PHF20: variants seen among roughly 807,000 people sequenced by gnomAD.
PHF20 encodes glioma-expressed antigen 2.
A neutral mutation model predicts 113.5 loss-of-function variants in PHF20; 23 were observed. The ratio of observed to expected loss-of-function variants is 0.20; its 90% CI spans 0.15 to 0.29. The LOEUF (loss-of-function observed/expected upper bound fraction) is 0.29. PHF20 is among the 10% of genes least tolerant of loss of function. The pLI is 1.00. For synonymous variants in PHF20, 434 were observed against 457.3 expected (o/e 0.95, Z 0.65); for missense variants, 943 against 1,219.6 (o/e 0.77, Z 3.38).
At chr20:35,871,159 T>G in intron 8 of PHF20, 25 bp downstream of exon 8, 2 of 1,578,220 alleles carry the variant, frequency 1.3e-6, no homozygotes, top group Non-Finnish European at 1.7e-6. Flanking sequence ...TCAGGAATTG[T>G]CTTGCCAACC....
At chr20:35,895,196 A>G (rs11905294) in intron 9 of PHF20, among the ~76,000 whole-genome samples, 129 of 152,060 alleles carry the variant, frequency 8.5e-4, no homozygotes, top group African/African-American at 2.9e-3. Context: ...GCTAATTTTT[A>G]TAATTTTATT....
chr20:35,861,143 T>A (rs2146969027), intron 5 of PHF20, among the ~76,000 whole-genome samples: 1 of 152,100 alleles, frequency 6.6e-6, no homozygotes, highest in East Asian at 1.9e-4. Context: ...ACTATTGGAA[T>A]AGATTGAGTT....
At chr20:35,917,219 A>G (rs975570090) in intron 12 of PHF20, 2 of 537,174 alleles carry the variant, frequency 3.7e-6, no homozygotes, top group African/African-American at 1.9e-5. Context: ...ACTGAGTTCT[A>G]TGATCTTGAG....
At chr20:35,885,369 C>T (rs927684014) in intron 9 of PHF20, among the ~76,000 whole-genome samples, 27 of 150,484 alleles carry the variant, frequency 1.8e-4, no homozygotes, top group Non-Finnish European at 2.9e-4. Context: ...CAGATACACA[C>T]GTTGAATTCA....
chr20:35,850,589 T>G (rs1164085458), intron 4 of PHF20: 3 of 83,098 alleles, frequency 3.6e-5, no homozygotes, highest in East Asian at 5.5e-4. Flanking sequence ...TGAGCTGTTT[T>G]TTTTTTTTTT....
At chr20:35,866,165 G>A (rs1054835714) in intron 6 of PHF20, among the ~76,000 whole-genome samples, 2 of 152,114 alleles carry the variant, frequency 1.3e-5, no homozygotes, top group African/African-American at 2.4e-5. Context: ...AGCCGATATC[G>A]CACCACTGCT....
intron 9 of PHF20, among the ~76,000 whole-genome samples, chr20:35,898,506 G>T (rs1347897608): frequency 1.3e-5 from 2 of 152,124 alleles, no homozygotes; most frequent in Non-Finnish European, 2.9e-5. Context: ...CATGATCTCA[G>T]CTCACTGCAA....
At position 35,948,678 on chromosome 20, in the gene PHF20, G is replaced by T. The variant is rs536748718; in HGVS notation, c.*1051G>T. The T allele has an allele frequency of 6.5e-6, 1 of 152,674 alleles. No individual in the cohort carries two copies. The highest frequency in any genetic ancestry group is 2.1e-4 in the South Asian group (1 of 4,822). 9.5% of individuals were successfully genotyped at this position (152,674 alleles called of 1,614,324 possible). A position where few individuals can be genotyped will look rare whatever the true frequency, so the allele number is the denominator to read the frequency against. ...GGTGATCATGCTGCTTAAGGTCCAG[G>T]TACAACCTATTTGTACCTTTTGAGA... is the stretch of plus-strand genomic sequence containing the variant. On this transcript the variant is annotated 3_prime_UTR_variant, in exon 18 of 18. Transcript: ENST00000374012.
intron 10 of PHF20, among the ~76,000 whole-genome samples, chr20:35,909,589 G>A (rs943845532): frequency 2.0e-5 from 3 of 152,154 alleles, no homozygotes; most frequent in Admixed American, 1.3e-4. Flanking sequence ...CTGTCTTTGG[G>A]CCTTGGGTTT....
At chr20:35,858,929 T>C (rs142921382) in intron 5 of PHF20, among the ~76,000 whole-genome samples, 1 of 152,300 alleles carries the variant, frequency 6.6e-6, no homozygotes, top group East Asian at 1.9e-4. Flanking sequence ...TGGATACCAT[T>C]GCCTATATTC....
At chr20:35,779,456 C>T (rs1363789418) in intron 1 of PHF20, among the ~76,000 whole-genome samples, 1 of 151,814 alleles carries the variant, frequency 6.6e-6, no homozygotes. Flanking sequence ...TAGTAGAGAC[C>T]TGATTTTCAA....
rs1208858995 is a variant in PHF20, at chr20:35,950,021, C to G, written c.*2394C>G. The G allele has an allele frequency of 6.6e-6, 1 of 152,350 alleles. No homozygotes were observed. The highest frequency in any genetic ancestry group is 1.5e-5 in the Non-Finnish European group (1 of 68,092). The allele number at this position is 152,350 out of a possible 1,614,324, so 9.4% of individuals were successfully genotyped here. On this transcript the variant is annotated 3_prime_UTR_variant, in exon 18 of 18. Transcript: ENST00000374012. ...TGAGCCGAGATTGCGCTATTGCACTCCAGCTCGGGCGACAACTGCAAGACT... is the reference window on the plus strand; with the variant it reads ...TGAGCCGAGATTGCGCTATTGCACTGCAGCTCGGGCGACAACTGCAAGACT...
rs2055048406 is a variant in PHF20, at chr20:35,899,253, G to A, written c.1283-117G>A. 4 of 776,670 alleles carry A rather than the reference G, an allele frequency of 5.2e-6. No individual in the cohort carries two copies. In the Admixed American group the frequency reaches 1.1e-4, roughly 22 times the overall value. 48.1% of individuals were successfully genotyped at this position (776,670 alleles called of 1,614,324 possible). On this transcript the variant is annotated intron_variant, in intron 9 of 17. Transcript: ENST00000374012. ...TTTGAGGAGGTAATGGCAGTCTGATGTCTCAGGCTACATTTGCACGCTAGT... is the reference window on the plus strand; with the variant it reads ...TTTGAGGAGGTAATGGCAGTCTGATATCTCAGGCTACATTTGCACGCTAGT...
chr20:35,899,413 T>C lies in PHF20; in HGVS notation c.1326T>C (p.Asn442=). Residue 442 remains asparagine, a synonymous_variant, in exon 10 of 18, where the codon AAT becomes AAC. Coordinates refer to ENST00000374012, the MANE Select transcript of PHF20 (RefSeq NM_016436.5). ...FKKTDDFGSS[N]APAVDLDHKF... ...AAACAGATGATTTTGGGTCATCTAA[T>C]GCACCAGCTGTCGACCTAGACCATA... is the stretch of plus-strand genomic sequence containing the variant. The C allele has an allele frequency of 6.2e-7, 1 of 1,613,746 alleles. No homozygotes were observed. The highest frequency in any genetic ancestry group is 2.2e-5 in the East Asian group (1 of 44,876).
chr20:35,772,390 C>A (rs1017264492), intron 1 of PHF20, among the ~76,000 whole-genome samples: 12 of 151,878 alleles, frequency 7.9e-5, no homozygotes, highest in Non-Finnish European at 2.9e-5. Context: ...CGGAGCGGGC[C>A]GTGTTGGGGG....
intron 1 of PHF20, among the ~76,000 whole-genome samples, chr20:35,796,907 A>G (rs1315884762): frequency 1.3e-5 from 2 of 152,172 alleles, no homozygotes; most frequent in Non-Finnish European, 2.9e-5. Flanking sequence ...CTTGTATACC[A>G]TGGTAACATT....
intron 4 of PHF20, among the ~76,000 whole-genome samples, chr20:35,854,979 TG>T (rs1009423115): frequency 3.9e-5 from 6 of 152,238 alleles, no homozygotes; most frequent in African/African-American, 1.4e-4. Context: ...TATTGACTTT[TG>T]GATGTTGGAA....
intron 2 of PHF20, among the ~76,000 whole-genome samples, chr20:35,807,479 G>C (rs750787494): frequency 6.6e-6 from 1 of 150,722 alleles, no homozygotes; most frequent in Middle Eastern, 3.4e-3. Context: ...TCAGACTCCC[G>C]AGTAGCTGGG....
intron 13 of PHF20, 30 bp from the exon 14 acceptor site, chr20:35,927,750 T>C (rs376541373): frequency 1.7e-5 from 27 of 1,555,366 alleles, no homozygotes; most frequent in Non-Finnish European, 2.2e-5. Context: ...CTTCTGAGTT[T>C]AATTTTTGTT....
Sources: allele counts gnomAD v4.1 joint callset (sites outside exome capture counted in the v4.1 genomes callset), GRCh38; gene constraint gnomAD v4.1.1; transcripts MANE v1.5; gene names NCBI Gene and HGNC (gene_info 2026-07-23, HGNC 2026-07-21).